The following SDR16C5 variants were observed in gnomAD, a reference collection of about 807,000 sequenced individuals.
SDR16C5 encodes epidermal retinol dehydrogenase 2.
Under a neutral mutation model 27.7 loss-of-function variants are expected in SDR16C5, and 20 were observed. That is an observed-to-expected ratio of 0.72 (90% CI 0.51 to 1.05). The LOEUF (loss-of-function observed/expected upper bound fraction) is 1.05. SDR16C5 is among the 50% of genes least tolerant of loss of function. SDR16C5 has a pLI of 0.00. For missense variants in SDR16C5, 374 were observed against 366.3 expected, an observed-to-expected ratio of 1.02 and a Z score of -0.17; for synonymous variants, 139 against 132.3, an observed-to-expected ratio of 1.05 and a Z score of -0.35.
intron 3 of SDR16C5, chr8:56,309,267 T>C: frequency 2.1e-6 from 2 of 950,834 alleles, no homozygotes; most frequent in Non-Finnish European, 1.3e-6. Context: ...CTTATGTTTT[T>C]GCTCATATTT....
At chr8:56,310,752 G>C (rs985511001) in intron 3 of SDR16C5, among the ~76,000 whole-genome samples, 1 of 151,860 alleles carries the variant, frequency 6.6e-6, no homozygotes, top group Non-Finnish European at 1.5e-5. Context: ...CAAAGCCATG[G>C]GAGTGGAGAC....
intron 1 of SDR16C5, among the ~76,000 whole-genome samples, chr8:56,319,581 G>A (rs1377409399): frequency 6.6e-6 from 1 of 152,180 alleles, no homozygotes; most frequent in African/African-American, 2.4e-5. Context: ...ATACCAGTGC[G>A]CGGCAGCAAG....
intron 2 of SDR16C5, 61 bp downstream of exon 2, chr8:56,315,954 A>G (rs553497001): frequency 1.7e-6 from 2 of 1,153,514 alleles, no homozygotes; most frequent in South Asian, 1.4e-5. Flanking sequence ...GGCACTGAGA[A>G]AGGCAAGTGA....
chr8:56,302,951 T>C lies in SDR16C5; in HGVS notation c.837-1378A>G, dbSNP rs565406988. Among the ~76,000 whole-genome samples the C allele has an allele frequency of 1.3e-4, 19 of 151,912 alleles. No homozygotes were observed. The South Asian group carries it at 4.0e-3, about 32-fold the overall frequency. Reference sequence around the variant, plus strand: ...GGGCTATGATCAAGCCACTGCACTCTAGCCTGGGTGACAGAACAAGACCTT... The same window carrying C: ...GGGCTATGATCAAGCCACTGCACTCCAGCCTGGGTGACAGAACAAGACCTT... On this transcript the variant is annotated intron_variant, in intron 6 of 6. Coordinates refer to ENST00000303749, the MANE Select transcript of SDR16C5 (RefSeq NM_138969.4).
chr8:56,312,949 T>C (rs555385180), intron 2 of SDR16C5, among the ~76,000 whole-genome samples: 24 of 152,134 alleles, frequency 1.6e-4, no homozygotes, highest in African/African-American at 5.3e-4. Context: ...GCTAATTTTT[T>C]GTATTTTTAG....
At chr8:56,308,281 C>A (rs1428663170) in intron 4 of SDR16C5, among the ~76,000 whole-genome samples, 1 of 152,210 alleles carries the variant, frequency 6.6e-6, no homozygotes. Flanking sequence ...TAAGCCAGGA[C>A]TTGGGACATT....
chr8:56,304,940 A>T (rs1814845381), intron 6 of SDR16C5, among the ~76,000 whole-genome samples: 1 of 151,958 alleles, frequency 6.6e-6, no homozygotes, highest in Non-Finnish European at 1.5e-5. Flanking sequence ...TGGCTTATTT[A>T]TTCATTATTT....
rs1423643075 is a variant in SDR16C5, at chr8:56,301,372, C to G, written c.*108G>C. 2 of 735,102 alleles carry G rather than the reference C, an allele frequency of 2.7e-6. No homozygotes were observed. The highest frequency in any genetic ancestry group is 2.4e-6 in the Non-Finnish European group (1 of 408,928). The allele number at this position is 735,102 out of a possible 1,614,324, so 45.5% of individuals were successfully genotyped here. A position where few individuals can be genotyped will look rare whatever the true frequency, so the allele number is the denominator to read the frequency against. The stretch of plus-strand genomic sequence containing the variant: ...TCCAGATAACAGAATAGGAGTGGTA[C>G]TTGTGGTCTCCAGATATATTCCACT... On this transcript the variant is annotated 3_prime_UTR_variant, in exon 7 of 7. Coordinates refer to ENST00000303749, the MANE Select transcript of SDR16C5 (RefSeq NM_138969.4).
In SDR16C5 at chr8:56,312,340, A is replaced by G. The variant is rs755828492; in HGVS notation, c.334-52T>C. The G allele has an allele frequency of 3.2e-5, 49 of 1,520,858 alleles. No individual in the cohort carries two copies. In the Admixed American group the frequency reaches 7.9e-4, roughly 25 times the overall value. 94.2% of individuals were successfully genotyped at this position (1,520,858 alleles called of 1,614,324 possible). A position where few individuals can be genotyped will look rare whatever the true frequency, so the allele number is the denominator to read the frequency against. Reference sequence around the variant, plus strand: ...AATGTAGTAATTCCTTACATGGGCTAGGTTTTATTTTCCCAGAGTTTTATG... The same window carrying G: ...AATGTAGTAATTCCTTACATGGGCTGGGTTTTATTTTCCCAGAGTTTTATG... On this transcript the variant is annotated intron_variant, in intron 2 of 6. Transcript: ENST00000303749.
At chr8:56,305,972 C>A (rs970659648) in intron 5 of SDR16C5, among the ~76,000 whole-genome samples, 7 of 151,942 alleles carry the variant, frequency 4.6e-5, no homozygotes, top group Non-Finnish European at 7.4e-5. Context: ...ATACGTGAAA[C>A]CATATTAAAC....
chr8:56,313,853 G>A (rs572390213), intron 2 of SDR16C5, among the ~76,000 whole-genome samples: 2 of 152,084 alleles, frequency 1.3e-5, no homozygotes, highest in East Asian at 1.9e-4. Flanking sequence ...GAGACAAAAC[G>A]CTGTCATATC....
intron 1 of SDR16C5, among the ~76,000 whole-genome samples, chr8:56,317,421 G>C (rs1421820623): frequency 6.6e-6 from 1 of 152,208 alleles, no homozygotes; most frequent in African/African-American, 2.4e-5. Context: ...CTAACCACTA[G>C]CTGAGAAAGA....
At chr8:56,306,383 G>C (rs1463666776) in intron 5 of SDR16C5, among the ~76,000 whole-genome samples, 5 of 152,158 alleles carry the variant, frequency 3.3e-5, no homozygotes, top group Non-Finnish European at 7.3e-5. Context: ...ATCAGAGAGG[G>C]AGCAGAATGG....
At position 56,305,667 on chromosome 8, in the gene SDR16C5, C is replaced by T; in HGVS notation, c.766G>A (p.Glu256Lys). ...TACATTTTTTCTTGTAGAATAGCTT[C>T]TACTATTTTTTCAACTGCATATTTT... ...EPKYAVEKIVEAILQEKMYLY... is the reference protein window; with the variant it reads ...EPKYAVEKIVKAILQEKMYLY... Residue 256 changes from glutamate (E) to lysine (K), a missense_variant, in exon 6 of 7, where the codon GAA becomes AAA. Glu to Lys is a moderately conservative substitution (Grantham distance 56). Transcript: ENST00000303749. 6.2e-7 allele frequency: 1 copy of T among 1,602,578 alleles called. No homozygotes were observed. The highest frequency in any genetic ancestry group is 8.5e-7 in the Non-Finnish European group (1 of 1,176,422).
At chr8:56,315,181 G>A (rs1234709409) in intron 2 of SDR16C5, among the ~76,000 whole-genome samples, 1 of 151,352 alleles carries the variant, frequency 6.6e-6, no homozygotes, top group African/African-American at 2.4e-5. Flanking sequence ...GGAGACAGAG[G>A]TTGTGGTGAG....
rs994142457 is a variant in SDR16C5 at position 56,312,264 on chromosome 8, A to G, written c.358T>C (p.Ser120Pro). The change falls in exon 3 of 7, where the codon TCC becomes CCC. Residue 120 changes from serine (S) to proline (P), a missense_variant. Transcript: ENST00000303749. ...DQVKKEVGDV[S>P]ILINNAGIVT... ...ATTCCGGCATTGTTGATTAGGATGG[A>G]AACATCGCCGACTTCTTTTTTAACC... 4 of 1,613,914 alleles carry G rather than the reference A, an allele frequency of 2.5e-6. No individual in the cohort carries two copies. The highest frequency in any genetic ancestry group is 3.4e-6 in the Non-Finnish European group (4 of 1,179,762).
chr8:56,307,122 G>C (rs1242932273), intron 4 of SDR16C5, among the ~76,000 whole-genome samples: 1 of 152,200 alleles, frequency 6.6e-6, no homozygotes, highest in East Asian at 1.9e-4. Context: ...GAGCCCCTGT[G>C]CTAGTTCTTA....
intron 2 of SDR16C5, among the ~76,000 whole-genome samples, chr8:56,314,196 ACT>A (rs1318992235): frequency 4.0e-5 from 3 of 74,098 alleles, no homozygotes; most frequent in Admixed American, 1.8e-4. Flanking sequence ...ACAGAGCAAG[ACT>A]CTGTCTCAAA....
At chr8:56,308,541 C>T (rs1212372274) in intron 4 of SDR16C5, among the ~76,000 whole-genome samples, 1 of 152,202 alleles carries the variant, frequency 6.6e-6, no homozygotes, top group Non-Finnish European at 1.5e-5. Context: ...TCCAAACTCA[C>T]AGCAGTGGGG....
Sources: gnomAD v4.1 joint callset for allele counts (sites outside exome capture counted in the v4.1 genomes callset) on GRCh38, gnomAD v4.1.1 for gene constraint, MANE v1.5 for transcripts, NCBI Gene and HGNC (gene_info 2026-07-23, HGNC 2026-07-21) for gene names.